Variants in TENM4 observed in about 807,000 individuals in gnomAD.
The protein encoded by TENM4 is teneurin-4.
A neutral mutation model predicts 243.3 loss-of-function variants in TENM4; 82 were observed. That is an observed-to-expected ratio of 0.34 (90% CI 0.28 to 0.40). The LOEUF is 0.40. Ranked by LOEUF, TENM4 falls within the 10% of genes least tolerant of loss-of-function variation. The pLI is 1.00. For missense variants in TENM4, 3,138 were observed against 3,673.3 expected (o/e 0.85, Z 3.77); for synonymous variants, 1,412 against 1,456.3 (o/e 0.97, Z 0.69).
At chr11:79,030,773 C>T (rs776828455) in intron 6 of TENM4, among the ~76,000 whole-genome samples, 27 of 152,268 alleles carry the variant, frequency 1.8e-4, no homozygotes, top group Middle Eastern at 3.4e-3. Flanking sequence ...CCTCCTTAAA[C>T]GACAGTAATT....
intron 1 of TENM4, among the ~76,000 whole-genome samples, chr11:79,386,050 C>T (rs529402): frequency 0.51 from 77,139 of 152,120 alleles, 19,681 homozygotes; most frequent in East Asian, 0.56. Context: ...AAAGAAGATA[C>T]ACTTTAGAAT....
At chr11:79,421,084 C>T (rs1378071147) in intron 1 of TENM4, among the ~76,000 whole-genome samples, 1 of 152,156 alleles carries the variant, frequency 6.6e-6, no homozygotes, top group Non-Finnish European at 1.5e-5. Context: ...GTGACTCTCC[C>T]TACTCTCCCT....
chr11:79,200,425 T>A lies in TENM4; in HGVS notation c.-163+15383A>T, dbSNP rs1479891583. ...ATTGAATCTAGTGTCCCCCAGGACATGCCATAGGTTCCTTCATCAGTGCTG... is the reference window on the plus strand; with the variant it reads ...ATTGAATCTAGTGTCCCCCAGGACAAGCCATAGGTTCCTTCATCAGTGCTG... On this transcript the variant is annotated intron_variant, in intron 3 of 33. Transcript: ENST00000278550. Among the ~76,000 whole-genome samples the A allele has an allele frequency of 2.0e-5, 3 of 152,218 alleles. No homozygotes were observed. The East Asian group carries it at 5.8e-4, about 29-fold the overall frequency.
chr11:79,403,347 G>A (rs1366533864), intron 1 of TENM4, among the ~76,000 whole-genome samples: 1 of 152,170 alleles, frequency 6.6e-6, no homozygotes, highest in East Asian at 1.9e-4. Context: ...CATTTATACA[G>A]CACTTTACAT....
At chr11:78,719,026 T>G (rs1859586595) in intron 25 of TENM4, among the ~76,000 whole-genome samples, 1 of 152,202 alleles carries the variant, frequency 6.6e-6, no homozygotes, top group Non-Finnish European at 1.5e-5. Context: ...TGATAATAAA[T>G]TATAATACTG....
intron 1 of TENM4, among the ~76,000 whole-genome samples, chr11:79,429,900 T>A (rs1268845141): frequency 6.6e-6 from 1 of 152,154 alleles, no homozygotes; most frequent in East Asian, 1.9e-4. Context: ...ATTATCCCAA[T>A]GTTATGGAAA....
intron 12 of TENM4, among the ~76,000 whole-genome samples, chr11:78,850,127 C>T (rs1011946321): frequency 1.5e-4 from 23 of 151,976 alleles, no homozygotes; most frequent in Admixed American, 2.6e-4. Flanking sequence ...AACATCAGGT[C>T]TCTGTGCGTA....
At chr11:79,219,176 A>G (rs1238946151) in intron 2 of TENM4, among the ~76,000 whole-genome samples, 1 of 152,224 alleles carries the variant, frequency 6.6e-6, no homozygotes, top group Non-Finnish European at 1.5e-5. Context: ...GGTACTCCAC[A>G]TAAGGGAGGA....
At position 79,123,840 on chromosome 11, in the gene TENM4, T is replaced by C. The variant is rs546630973; in HGVS notation, c.-66+24870A>G. ...CTGGGGCAAATAAGTTTGGGAAACATGAGGCTAGCACCCTTACTGCAGGCC... is the reference window on the plus strand; with the variant it reads ...CTGGGGCAAATAAGTTTGGGAAACACGAGGCTAGCACCCTTACTGCAGGCC... On this transcript the variant is annotated intron_variant, in intron 4 of 33. Coordinates refer to ENST00000278550, the MANE Select transcript of TENM4 (RefSeq NM_001098816.3). Among the ~76,000 whole-genome samples, 38 of 152,262 alleles carry C rather than the reference T, an allele frequency of 2.5e-4. 1 individual carries two copies. The highest frequency in any genetic ancestry group is 9.1e-4 in the African/African-American group (38 of 41,562).
intron 2 of TENM4, among the ~76,000 whole-genome samples, chr11:79,245,764 ACCC>A (rs1855502448): frequency 6.6e-6 from 1 of 151,820 alleles, no homozygotes; most frequent in Non-Finnish European, 1.5e-5. Context: ...ACATGGTGAA[ACCC>A]TGTCTCTAAT....
chr11:79,422,442 T>G (rs1858954893), intron 1 of TENM4, among the ~76,000 whole-genome samples: 1 of 152,104 alleles, frequency 6.6e-6, no homozygotes, highest in African/African-American at 2.4e-5. Context: ...ACTAGATACC[T>G]GTCATCTATA....
chr11:79,203,126 C>T (rs1863778923), intron 3 of TENM4, among the ~76,000 whole-genome samples: 1 of 152,116 alleles, frequency 6.6e-6, no homozygotes, highest in Admixed American at 6.5e-5. Context: ...CATATAATAA[C>T]AAATATTGAT....
At chr11:79,061,692 G>A (rs1435383868) in intron 6 of TENM4, among the ~76,000 whole-genome samples, 1 of 152,138 alleles carries the variant, frequency 6.6e-6, no homozygotes, top group Admixed American at 6.5e-5. Flanking sequence ...GCCTTCAAAA[G>A]AACAAATAAC....
intron 12 of TENM4, among the ~76,000 whole-genome samples, chr11:78,835,803 T>G (rs114388245): frequency 0.012 from 1,877 of 152,272 alleles, 57 homozygotes; most frequent in African/African-American, 0.044. Flanking sequence ...GCCCCATACT[T>G]TTCCTCTGAG....
At chr11:79,130,934 G>C (rs1379675541) in intron 4 of TENM4, among the ~76,000 whole-genome samples, 1 of 152,098 alleles carries the variant, frequency 6.6e-6, no homozygotes, top group African/African-American at 2.4e-5. Flanking sequence ...AAGAAATTCA[G>C]AGCATGAAGA....
chr11:79,079,631 A>G (rs1860615695), intron 4 of TENM4, among the ~76,000 whole-genome samples: 1 of 152,038 alleles, frequency 6.6e-6, no homozygotes. Context: ...GGAGTTTGTG[A>G]CCAGCCTGGC....
intron 18 of TENM4, among the ~76,000 whole-genome samples, chr11:78,764,611 C>A (rs1288861448): frequency 6.6e-6 from 1 of 152,182 alleles, no homozygotes; most frequent in African/African-American, 2.4e-5. Context: ...GTGGTGGAAG[C>A]CATTCCCTAC....
chr11:79,073,397 T>A (rs1292728754), intron 4 of TENM4, among the ~76,000 whole-genome samples: 3 of 152,210 alleles, frequency 2.0e-5, no homozygotes, highest in Non-Finnish European at 4.4e-5. Context: ...TTTTTTCATG[T>A]CTGCCTCTCC....
chr11:79,357,754 G>T (rs1039842684), intron 1 of TENM4, among the ~76,000 whole-genome samples: 1 of 152,206 alleles, frequency 6.6e-6, no homozygotes, highest in African/African-American at 2.4e-5. Flanking sequence ...AAAGATGGGG[G>T]AGACAAATAT....
Sources: gnomAD v4.1 joint callset for allele counts (sites outside exome capture counted in the v4.1 genomes callset) on GRCh38, gnomAD v4.1.1 for gene constraint, MANE v1.5 for transcripts, NCBI Gene and HGNC (gene_info 2026-07-23, HGNC 2026-07-21) for gene names.